EFCAB9: variants seen among roughly 807,000 people sequenced by gnomAD.
The protein encoded by EFCAB9 is EF-hand calcium-binding domain-containing protein 9.
In EFCAB9, 16 loss-of-function variants were observed where a neutral mutation model predicts 15.6. The observed-to-expected ratio is 1.03, with a 90% confidence interval of 0.69 to 1.56. The LOEUF is 1.56. Among genes scored for constraint, EFCAB9 ranks in the 40% most tolerant of loss-of-function variants. The probability of loss-of-function intolerance (pLI) is 0.00; values close to 1 mark genes in which losing one functional copy is unlikely to be tolerated. For synonymous variants in EFCAB9, 76 were observed against 85.4 expected, an observed-to-expected ratio of 0.89 and a Z score of 0.61; for missense variants, 208 against 235.4, an observed-to-expected ratio of 0.88 and a Z score of 0.76.
rs748203802 is a variant in EFCAB9, at chr5:172,199,518, T to G, written c.272T>G (p.Leu91Arg). 1.8e-4 allele frequency: 283 copies of G among 1,537,246 alleles called. 7 individuals carry two copies. In the South Asian group the frequency reaches 3.2e-3, roughly 17 times the overall value. Reference protein sequence around the residue: ...FEKFYMLVCMLLAHQNHLEGQ... With the variant: ...FEKFYMLVCMRLAHQNHLEGQ... The stretch of plus-strand genomic sequence containing the variant: ...AAGTTCTACATGCTGGTGTGCATGC[T>G]GCTGGCCCACCAGGCAAGTAGCCGC... Residue 91 changes from leucine to arginine, a missense_variant, in exon 2 of 4, where the codon CTG becomes CGG. Coordinates refer to ENST00000398186, the MANE Select transcript of EFCAB9 (RefSeq NM_001171183.2).
chr5:172,198,513 A>G (rs1771198425), intron 1 of EFCAB9, among the ~76,000 whole-genome samples: 1 of 152,224 alleles, frequency 6.6e-6, no homozygotes, highest in African/African-American at 2.4e-5. Flanking sequence ...AGTGCCTAAC[A>G]CATAAGGTGG....
intron 1 of EFCAB9, among the ~76,000 whole-genome samples, chr5:172,194,598 C>T (rs1307082151): frequency 1.3e-5 from 2 of 152,104 alleles, no homozygotes; most frequent in Non-Finnish European, 2.9e-5. Flanking sequence ...ATGACCAGAC[C>T]ATGTTGGCCA....
At chr5:172,197,039 A>G (rs1459759062) in intron 1 of EFCAB9, among the ~76,000 whole-genome samples, 2 of 152,144 alleles carry the variant, frequency 1.3e-5, no homozygotes, top group Admixed American at 6.6e-5. Flanking sequence ...TTCACCATGG[A>G]AAAAAACACC....
chr5:172,194,177 G>A lies in EFCAB9; in HGVS notation c.5G>A (p.Arg2Lys). The change falls in exon 1 of 4, where the codon AGA becomes AAA. Residue 2 changes from arginine to lysine, a missense_variant. By Grantham distance (26) the Arg-to-Lys change is conservative. Transcript: ENST00000398186. Reference sequence around the variant, plus strand: ...TTCAGTTGACACAGTACTAAGATGAGACTGAAGCAAGGATCGTTTCTGTGG... The same window carrying A: ...TTCAGTTGACACAGTACTAAGATGAAACTGAAGCAAGGATCGTTTCTGTGG... M[R>K]LKQGSFLWYL... 1 of 1,537,284 alleles carries A rather than the reference G, an allele frequency of 6.5e-7. No homozygotes were observed. Among genetic ancestry groups the A allele is most frequent in the Non-Finnish European group, 8.7e-7 (1 of 1,146,910 alleles).
Position 172,200,586 on chromosome 5 carries a change from T to C in EFCAB9, c.306T>C (p.Phe102=), listed in dbSNP as rs1771241283. The C allele has an allele frequency of 6.5e-7, 1 of 1,536,868 alleles. No homozygotes were observed. Among genetic ancestry groups the C allele is most frequent in the African/African-American group, 1.4e-5 (1 of 73,036 alleles). Residue 102 remains phenylalanine, a synonymous_variant, in exon 3 of 4, where the codon TTT becomes TTC. Transcript: ENST00000398186. ...AATAGAACCATTTGGAAGGACAGTT[T>C]ATGTATCGTCATTCCCGGCCTGTCT... ...LAHQNHLEGQ[F]MYRHSRPVFD...
chr5:172,203,088 C>G, intron 3 of EFCAB9, 126 bp from the exon 4 acceptor site: 2 of 924,044 alleles, frequency 2.2e-6, no homozygotes, highest in Non-Finnish European at 3.1e-6. Context: ...ATAATTATGT[C>G]CCAATTACTG....
intron 1 of EFCAB9, among the ~76,000 whole-genome samples, chr5:172,197,673 A>G (rs1015397911): frequency 1.3e-5 from 2 of 152,168 alleles, no homozygotes; most frequent in African/African-American, 2.4e-5. Flanking sequence ...CCCTGACTTC[A>G]AGATAAAGCC....
chr5:172,197,841 T>C (rs1350890259), intron 1 of EFCAB9, among the ~76,000 whole-genome samples: 1 of 152,170 alleles, frequency 6.6e-6, no homozygotes, highest in Non-Finnish European at 1.5e-5. Flanking sequence ...GGCCAGCTTT[T>C]ATTCCCTTAT....
chr5:172,195,995 C>T (rs1440190746), intron 1 of EFCAB9, among the ~76,000 whole-genome samples: 2 of 151,906 alleles, frequency 1.3e-5, no homozygotes, highest in Non-Finnish European at 2.9e-5. Context: ...TAAAGACGGG[C>T]GGGGTTTCAC....
chr5:172,201,377 AAAC>A (rs567831026), intron 3 of EFCAB9, among the ~76,000 whole-genome samples: 22 of 151,492 alleles, frequency 1.5e-4, no homozygotes, highest in Admixed American at 5.9e-4. Flanking sequence ...TCCGACTTAA[AAAC>A]AACAACAACA....
chr5:172,199,623 G>A (rs975058008), intron 2 of EFCAB9, 92 bp downstream of exon 2: 1 of 1,466,706 alleles, frequency 6.8e-7, no homozygotes, highest in Non-Finnish European at 9.0e-7. Flanking sequence ...ACTAAAAAGA[G>A]GAAGAAAAGA....
chr5:172,202,097 T>C (rs1771263791), intron 3 of EFCAB9, among the ~76,000 whole-genome samples: 1 of 151,732 alleles, frequency 6.6e-6, no homozygotes, highest in African/African-American at 2.4e-5. Context: ...TCCCAGGACT[T>C]TGGGAGGCCG....
chr5:172,199,371 C>T lies in EFCAB9; in HGVS notation c.137-12C>T. On this transcript the variant is annotated splice_polypyrimidine_tract_variant and intron_variant, in intron 1 of 3. Coordinates refer to ENST00000398186, the MANE Select transcript of EFCAB9 (RefSeq NM_001171183.2). The stretch of plus-strand genomic sequence containing the variant: ...CCAAATAACACATCTCCTCACCTGC[C>T]CACCTTAACAGATGTGCTGTTCTAT... The T allele has an allele frequency of 6.5e-7, 1 of 1,536,898 alleles. No individual in the cohort carries two copies. Among genetic ancestry groups the T allele is most frequent in the Non-Finnish European group, 8.7e-7 (1 of 1,146,724 alleles).
chr5:172,199,588 A>G, intron 2 of EFCAB9, 57 bp downstream of exon 2: 1 of 1,523,650 alleles, frequency 6.6e-7, no homozygotes, highest in Non-Finnish European at 8.8e-7. Context: ...TGAATTAGGA[A>G]TGCATCAGAA....
At chr5:172,200,887 C>A in intron 3 of EFCAB9, 145 bp downstream of exon 3, 2 of 801,802 alleles carry the variant, frequency 2.5e-6, no homozygotes, top group Non-Finnish European at 3.7e-6. Context: ...GCACAAGGAT[C>A]AGAAAAAAAC....
chr5:172,195,884 A>G (rs1009524383), intron 1 of EFCAB9, among the ~76,000 whole-genome samples: 3 of 151,886 alleles, frequency 2.0e-5, no homozygotes, highest in Non-Finnish European at 4.4e-5. Context: ...GCTCATTGCA[A>G]CCTCCACCTC....
intron 1 of EFCAB9, among the ~76,000 whole-genome samples, chr5:172,196,106 G>A (rs760416000): frequency 1.3e-5 from 2 of 152,064 alleles, no homozygotes; most frequent in African/African-American, 2.4e-5. Flanking sequence ...GATTACAGGC[G>A]TGAGCTATCA....
At chr5:172,203,100 G>C in intron 3 of EFCAB9, 114 bp from the exon 4 acceptor site, 1 of 1,024,232 alleles carries the variant, frequency 9.8e-7, no homozygotes, top group Non-Finnish European at 1.4e-6. Context: ...CAATTACTGA[G>C]TGTCTTTAAT....
chr5:172,195,494 T>G (rs1771146002), intron 1 of EFCAB9, among the ~76,000 whole-genome samples: 1 of 152,230 alleles, frequency 6.6e-6, no homozygotes, highest in South Asian at 2.1e-4. Flanking sequence ...AACCCTGCCC[T>G]AGATAAGGCA....
Sources: allele counts gnomAD v4.1 joint callset (sites outside exome capture counted in the v4.1 genomes callset), GRCh38; gene constraint gnomAD v4.1.1; transcripts MANE v1.5; gene names NCBI Gene and HGNC (gene_info 2026-07-23, HGNC 2026-07-21).